Variants in OR6N1 observed in about 807,000 individuals in gnomAD.
The protein encoded by OR6N1 is olfactory receptor family 6 subfamily N member 1, also known as olfactory receptor 6N1.
For synonymous variants in OR6N1, 170 were observed against 150.7 expected, an observed-to-expected ratio of 1.13 and a Z score of -0.94; for missense variants, 394 against 371.7, an observed-to-expected ratio of 1.06 and a Z score of -0.49.
At chr1:158,798,688 C>T in the OR6N1 span, among the ~76,000 whole-genome samples, 1 of 151,982 alleles carries the variant, frequency 6.6e-6, no homozygotes, top group Non-Finnish European at 1.5e-5. Flanking sequence ...TTCCATGTGC[C>T]TCCAGTAGGT....
chr1:158,779,565 T>C, the OR6N1 span, among the ~76,000 whole-genome samples: 1 of 152,236 alleles, frequency 6.6e-6, no homozygotes, highest in Admixed American at 6.5e-5. Context: ...TTTGATATTT[T>C]AGAATACTAA....
the OR6N1 span, among the ~76,000 whole-genome samples, chr1:158,790,587 G>T: frequency 6.6e-6 from 1 of 151,842 alleles, no homozygotes; most frequent in African/African-American, 2.4e-5. Flanking sequence ...TGTATTTTTA[G>T]TAGAGATGGG....
the OR6N1 span, among the ~76,000 whole-genome samples, chr1:158,814,731 A>AC: frequency 1.3e-5 from 2 of 152,084 alleles, no homozygotes; most frequent in African/African-American, 2.4e-5. Flanking sequence ...ACCTCTTAGT[A>AC]CCCCTTGGGG....
chr1:158,766,721 G>C lies in OR6N1; in HGVS notation c.-18-21C>G, dbSNP rs374392977. On this transcript the variant is annotated intron_variant, in intron 1 of 1. Coordinates refer to ENST00000641846, the MANE Select transcript of OR6N1 (RefSeq NM_001005185.2). ...TGTCCCTAGATGTGAAGTGTGGAAG[G>C]ATAGGAAAGAAAGTTGAACTATAGG... is the stretch of plus-strand genomic sequence containing the variant. 5.8e-5 allele frequency: 87 copies of C among 1,491,438 alleles called. No individual in the cohort carries two copies. The African/African-American group carries it at 1.1e-3, about 19-fold the overall frequency. 92.4% of individuals were successfully genotyped at this position (1,491,438 alleles called of 1,614,324 possible).
At chr1:158,769,109 G>T (rs1657349099) in intron 1 of OR6N1, among the ~76,000 whole-genome samples, 1 of 152,144 alleles carries the variant, frequency 6.6e-6, no homozygotes, top group South Asian at 2.1e-4. Flanking sequence ...GGAGTTACAA[G>T]CCATGGGCTG....
chr1:158,775,238 C>T (rs1571608923), upstream of OR6N1: 1 of 152,178 alleles, frequency 6.6e-6, no homozygotes, highest in East Asian at 1.9e-4. Flanking sequence ...GTTCAGAAGT[C>T]CTCTCAAAGC....
At chr1:158,779,429 C>T in the OR6N1 span, among the ~76,000 whole-genome samples, 4 of 152,180 alleles carry the variant, frequency 2.6e-5, no homozygotes, top group Non-Finnish European at 4.4e-5. Context: ...AATAACCAAA[C>T]GAATTCATTT....
chr1:158,777,511 T>G, the OR6N1 span: 1 of 1,614,154 alleles, frequency 6.2e-7, no homozygotes, highest in Non-Finnish European at 8.5e-7. Context: ...GATGAGCATG[T>G]TACCACAGAT....
At chr1:158,802,493 C>A in the OR6N1 span, among the ~76,000 whole-genome samples, 1 of 152,118 alleles carries the variant, frequency 6.6e-6, no homozygotes, top group African/African-American at 2.4e-5. Flanking sequence ...TGAGAAGAGA[C>A]AATCCAACTT....
upstream of OR6N1, chr1:158,776,689 T>C (rs767136930): frequency 2.5e-6 from 4 of 1,586,720 alleles, no homozygotes; most frequent in African/African-American, 5.4e-5. Context: ...AAGTCAAAGA[T>C]GAGCAAGACT....
At chr1:158,804,787 A>G in the OR6N1 span, among the ~76,000 whole-genome samples, 1 of 152,186 alleles carries the variant, frequency 6.6e-6, no homozygotes. Context: ...AGGGAAATTC[A>G]CAATAATTCA....
the OR6N1 span, among the ~76,000 whole-genome samples, chr1:158,790,106 A>G: frequency 3.9e-5 from 6 of 152,212 alleles, no homozygotes; most frequent in East Asian, 3.9e-4. Flanking sequence ...TCTTCCCTCA[A>G]TGTATGTTCG....
At chr1:158,769,113 TG>T (rs1322816750) in intron 1 of OR6N1, among the ~76,000 whole-genome samples, 1 of 152,196 alleles carries the variant, frequency 6.6e-6, no homozygotes, top group African/African-American at 2.4e-5. Context: ...TTACAAGCCA[TG>T]GGCTGGATAT....
chr1:158,832,997 A>G, the OR6N1 span, among the ~76,000 whole-genome samples: 1 of 152,014 alleles, frequency 6.6e-6, no homozygotes, highest in Admixed American at 6.6e-5. Flanking sequence ...CAAGTTTCTT[A>G]TTTTTAAAAA....
At chr1:158,773,923 T>C (rs922147350), upstream of OR6N1, among the ~76,000 whole-genome samples, 7 of 152,236 alleles carry the variant, frequency 4.6e-5, no homozygotes, top group Non-Finnish European at 8.8e-5. Context: ...AGCTTTGAGA[T>C]AGCCTGCCAT....
chr1:158,803,360 C>T, the OR6N1 span, among the ~76,000 whole-genome samples: 1 of 152,188 alleles, frequency 6.6e-6, no homozygotes, highest in Admixed American at 6.5e-5. Context: ...AAATACCTAA[C>T]CTTTCACAAA....
the OR6N1 span, among the ~76,000 whole-genome samples, chr1:158,813,189 T>C: frequency 9.9e-5 from 15 of 152,194 alleles, no homozygotes; most frequent in Non-Finnish European, 1.3e-4. Context: ...TAGCATACAT[T>C]GGGTGAAAAA....
At chr1:158,784,353 T>C in the OR6N1 span, among the ~76,000 whole-genome samples, 2 of 152,212 alleles carry the variant, frequency 1.3e-5, no homozygotes, top group Non-Finnish European at 2.9e-5. Context: ...TATGTATACA[T>C]TGTGTAATAA....
chr1:158,769,511 A>C (rs536507969), intron 1 of OR6N1, among the ~76,000 whole-genome samples: 1 of 152,306 alleles, frequency 6.6e-6, no homozygotes, highest in African/African-American at 2.4e-5. Context: ...AGAATTTTTT[A>C]GATGGAAAAA....
Sources: allele counts gnomAD v4.1 joint callset (sites outside exome capture counted in the v4.1 genomes callset), GRCh38; gene constraint gnomAD v4.1.1; transcripts MANE v1.5; gene names NCBI Gene and HGNC (gene_info 2026-07-23, HGNC 2026-07-21).